Variants in ERVFRD-1 observed in about 807,000 individuals in gnomAD.
The protein encoded by ERVFRD-1 is syncytin-2.
Under a neutral mutation model 43.8 loss-of-function variants are expected in ERVFRD-1, and 33 were observed. The observed-to-expected ratio is 0.75, with a 90% confidence interval of 0.57 to 1.01. The LOEUF is 1.01. Ranked by LOEUF, ERVFRD-1 falls within the 50% of genes least tolerant of loss-of-function variation. ERVFRD-1 has a pLI of 0.00. For missense variants in ERVFRD-1, 568 were observed against 658.4 expected (o/e 0.86, Z 1.50); for synonymous variants, 239 against 244.4 (o/e 0.98, Z 0.21).
intron 1 of ERVFRD-1, among the ~76,000 whole-genome samples, chr6:11,108,535 CCTT>C (rs1419470924): frequency 2.6e-5 from 4 of 152,148 alleles, no homozygotes; most frequent in Admixed American, 1.3e-4. Context: ...TTGGGCACTG[CCTT>C]CTTGTGTGGC....
rs1291353529 is a variant in ERVFRD-1, at chr6:11,104,235, G to A, written c.1076C>T (p.Ala359Val). The change falls in exon 2 of 2, where the codon GCG becomes GTG. Residue 359 changes from alanine (A) to valine (V), a missense_variant. Physicochemically the swap from Ala to Val is moderately conservative, Grantham distance 64. Transcript: ENST00000472091. Reference protein sequence around the residue: ...RRAIHFIPLLAGLGILAGTGT... With the variant: ...RRAIHFIPLLVGLGILAGTGT... ...CGTACCAGCTAGAATGCCGAGTCCC[G>A]CGAGAAGGGGAATGAAATGGATTGC... 1.3e-5 allele frequency: 20 copies of A among 1,551,660 alleles called. No homozygotes were observed. Among genetic ancestry groups the A allele is most frequent in the South Asian group, 5.9e-5 (5 of 84,056 alleles).
In ERVFRD-1 at chr6:11,103,393, C is replaced by T; in HGVS notation, c.*301G>A. ...ATCACCTGATGGTTGCCTGACATTCCTGGTGAGGGGGCCCTCCCCTGCCCT... is the reference window on the plus strand; with the variant it reads ...ATCACCTGATGGTTGCCTGACATTCTTGGTGAGGGGGCCCTCCCCTGCCCT... On this transcript the variant is annotated 3_prime_UTR_variant, in exon 2 of 2. Transcript: ENST00000472091. The T allele has an allele frequency of 3.1e-6, 1 of 322,760 alleles. No individual in the cohort carries two copies. The highest frequency in any genetic ancestry group is 2.1e-5 in the African/African-American group (1 of 47,954). 20.0% of individuals were successfully genotyped at this position (322,760 alleles called of 1,614,324 possible).
At position 11,105,179 on chromosome 6, in the gene ERVFRD-1, C is replaced by G; in HGVS notation, c.132G>C (p.Trp44Cys). 1 of 1,614,158 alleles carries G rather than the reference C, an allele frequency of 6.2e-7. No individual in the cohort carries two copies. The highest frequency in any genetic ancestry group is 8.5e-7 in the Non-Finnish European group (1 of 1,180,016). ...STGSPYSTNC[W>C]LCTSSSTETP... ...TTTCAGTGGAAGAGCTAGTACATAA[C>G]CAGCAATTGGTGGAGTAAGGGGATC... is the stretch of plus-strand genomic sequence containing the variant. Residue 44 changes from tryptophan (W) to cysteine (C), a missense_variant, in exon 2 of 2, where the codon TGG becomes TGC. Trp to Cys is a radical substitution (Grantham distance 215). Transcript: ENST00000472091.
rs1758058511 is a variant in ERVFRD-1 at position 11,104,778 on chromosome 6, A to G, written c.533T>C (p.Ile178Thr). ...TAGCAAAGTTCCCTGAGGAAAAGTA[A>G]TATTTGGAGGTTTGGGGAATCTTGG... ...HQPRFPKPPN[I>T]TFPQGTLLDK... The change falls in exon 2 of 2, where the codon ATT becomes ACT. Residue 178 changes from isoleucine to threonine, a missense_variant. Transcript: ENST00000472091. 2 of 1,614,180 alleles carry G rather than the reference A, an allele frequency of 1.2e-6. No individual in the cohort carries two copies. Among genetic ancestry groups the G allele is most frequent in the Non-Finnish European group, 1.7e-6 (2 of 1,180,030 alleles).
rs1340279859 is a variant in ERVFRD-1 at position 11,104,439 on chromosome 6, C to T, written c.872G>A (p.Cys291Tyr). ...ATAAAAGGCTCCTTGAGTTTTAAGGCATGTAGAGATATGGAAATGAAATAA... is the reference window on the plus strand; with the variant it reads ...ATAAAAGGCTCCTTGAGTTTTAAGGTATGTAGAGATATGGAAATGAAATAA... The part of the protein sequence containing the change: ...TPLFHFHIST[C>Y]LKTQGAFYIC... The change falls in exon 2 of 2, where the codon TGC becomes TAC. Residue 291 changes from cysteine to tyrosine, a missense_variant. Cys to Tyr is a radical substitution (Grantham distance 194). Transcript: ENST00000472091. 2.6e-6 allele frequency: 4 copies of T among 1,551,664 alleles called. No homozygotes were observed.
chr6:11,106,388 G>A (rs1053573747), intron 1 of ERVFRD-1, among the ~76,000 whole-genome samples: 2 of 152,228 alleles, frequency 1.3e-5, no homozygotes, highest in African/African-American at 2.4e-5. Flanking sequence ...TTCCCCGTCT[G>A]GGGATTATTT....
chr6:11,104,328 A>G lies in ERVFRD-1; in HGVS notation c.983T>C (p.Ile328Thr). Reference protein sequence around the residue: ...TIGYVTPDIFIAPGNLSLPIP... With the variant: ...TIGYVTPDIFTAPGNLSLPIP... ...TGGAAGAGAGAGATTGCCAGGGGCT[A>G]TGAAGATGTCTGGGGTTACATAGCC... The change falls in exon 2 of 2, where the codon ATA becomes ACA. Residue 328 changes from isoleucine to threonine, a missense_variant. Coordinates refer to ENST00000472091, the MANE Select transcript of ERVFRD-1 (RefSeq NM_207582.3). 2 of 1,551,724 alleles carry G rather than the reference A, an allele frequency of 1.3e-6. No homozygotes were observed. The highest frequency in any genetic ancestry group is 1.2e-5 in the South Asian group (1 of 84,062).
At position 11,103,770 on chromosome 6, in the gene ERVFRD-1, C is replaced by T. The variant is rs1031641163; in HGVS notation, c.1541G>A (p.Arg514His). Residue 514 changes from arginine (R) to histidine (H), a missense_variant, in exon 2 of 2, where the codon CGC (arginine) becomes CAC (histidine). By Grantham distance (29) the Arg-to-His change is conservative. Transcript: ENST00000472091. Reference sequence around the variant, plus strand: ...CGTCTGGAGCTTTATGGCCTGAAGGCGAGAGGAGACAAATTGGGTTATTAG... The same window carrying T: ...CGTCTGGAGCTTTATGGCCTGAAGGTGAGAGGAGACAAATTGGGTTATTAG... ...LNLITQFVSS[R>H]LQAIKLQTNL... 37 of 1,551,402 alleles carry T rather than the reference C, an allele frequency of 2.4e-5. No individual in the cohort carries two copies. The highest frequency in any genetic ancestry group is 3.1e-5 in the Non-Finnish European group (36 of 1,146,968).
rs910692970 is a variant in ERVFRD-1 at position 11,103,966 on chromosome 6, G to A, written c.1345C>T (p.Gln449Ter). ...TTTAGGAGTTGTCTGATGTTGTCTTGTACTTTTCCTGATTGATTTACCCAA... is the reference window on the plus strand; with the variant it reads ...TTTAGGAGTTGTCTGATGTTGTCTTATACTTTTCCTGATTGATTTACCCAA... ...CFWVNQSGKVQDNIRQLLNQA... is the reference protein window; with the variant it reads ...CFWVNQSGKV The change falls in exon 2 of 2, where the codon CAA becomes TAA. Residue 449 changes from glutamine (Q) to a stop codon, truncating the protein, a stop_gained. Transcript: ENST00000472091. LOFTEE classifies it high-confidence loss of function. 5.8e-6 allele frequency: 9 copies of A among 1,551,538 alleles called. No homozygotes were observed. Among genetic ancestry groups the A allele is most frequent in the Admixed American group, 2.0e-5 (1 of 50,980 alleles).
chr6:11,103,874 C>T lies in ERVFRD-1; in HGVS notation c.1437G>A (p.Trp479Ter). 1 of 1,551,658 alleles carries T rather than the reference C, an allele frequency of 6.4e-7. No homozygotes were observed. The highest frequency in any genetic ancestry group is 1.7e-4 in the Middle Eastern group (1 of 5,992). Residue 479 changes from tryptophan (W) to a stop codon, truncating the protein, a stop_gained, in exon 2 of 2, where the codon TGG (tryptophan) becomes TGA (stop). Coordinates refer to ENST00000472091, the MANE Select transcript of ERVFRD-1 (RefSeq NM_207582.3). LOFTEE classifies it high-confidence loss of function. ...CTGTAAGGGGAAGAACCCAAGAGAA[C>T]CATTTCCAAGTTCCTTCCCAATTTA... Reference protein sequence around the residue: ...GWLNWEGTWKWFSWVLPLTGP... With the variant: ...GWLNWEGTWK
intron 1 of ERVFRD-1, among the ~76,000 whole-genome samples, chr6:11,106,947 A>G (rs981484146): frequency 1.3e-5 from 2 of 152,206 alleles, no homozygotes; most frequent in African/African-American, 4.8e-5. Context: ...TGGAATTTGT[A>G]TATACTCCTT....
At chr6:11,111,250 A>G (rs978481627) in intron 1 of ERVFRD-1, among the ~76,000 whole-genome samples, 2 of 152,218 alleles carry the variant, frequency 1.3e-5, no homozygotes, top group African/African-American at 4.8e-5. Context: ...GAACAGAGAA[A>G]AGACAGACTT....
At chr6:11,111,477 G>A (rs569893457) in intron 1 of ERVFRD-1, among the ~76,000 whole-genome samples, 200 bp downstream of exon 1, 3 of 152,308 alleles carry the variant, frequency 2.0e-5, no homozygotes, top group African/African-American at 7.2e-5. Flanking sequence ...ACTTAGTGCA[G>A]ACTCCAAGGT....
chr6:11,105,271 G>C lies in ERVFRD-1; in HGVS notation c.40C>G (p.Leu14Val), dbSNP rs1758068116. Residue 14 changes from leucine to valine, a missense_variant, in exon 2 of 2, where the codon CTA becomes GTA. Transcript: ENST00000472091. ...LLLVLILTPS[L>V]AAYRHPDFPL... Reference sequence around the variant, plus strand: ...AAATCAGGATGGCGGTAGGCTGCTAGTGAAGGCGTGAGAATGAGAACCAGC... The same window carrying C: ...AAATCAGGATGGCGGTAGGCTGCTACTGAAGGCGTGAGAATGAGAACCAGC... The C allele has an allele frequency of 1.2e-6, 2 of 1,614,094 alleles. No individual in the cohort carries two copies. The highest frequency in any genetic ancestry group is 1.7e-6 in the Non-Finnish European group (2 of 1,180,002).
In ERVFRD-1 at chr6:11,104,181, G is replaced by C. The variant is rs1219467691; in HGVS notation, c.1130C>G (p.Ala377Gly). ...TGTGIAGITK[A>G]SLTYSQLSKE... Reference sequence around the variant, plus strand: ...TGAGAGCTGGCTATAGGTGAGGGAAGCTTTTGTGATTCCAGCAATTCCGGT... The same window carrying C: ...TGAGAGCTGGCTATAGGTGAGGGAACCTTTTGTGATTCCAGCAATTCCGGT... Residue 377 changes from alanine to glycine, a missense_variant, in exon 2 of 2, where the codon GCT becomes GGT. Physicochemically the swap from Ala to Gly is moderately conservative, Grantham distance 60. Coordinates refer to ENST00000472091, the MANE Select transcript of ERVFRD-1 (RefSeq NM_207582.3). The C allele has an allele frequency of 6.4e-7, 1 of 1,551,728 alleles. No homozygotes were observed. The highest frequency in any genetic ancestry group is 1.4e-5 in the African/African-American group (1 of 73,172).
chr6:11,106,042 T>C (rs1758078392), intron 1 of ERVFRD-1, among the ~76,000 whole-genome samples: 1 of 152,178 alleles, frequency 6.6e-6, no homozygotes, highest in African/African-American at 2.4e-5. Context: ...TATTTCCACT[T>C]TTCCTGAAGA....
chr6:11,103,184 T>A lies in ERVFRD-1; in HGVS notation c.*510A>T, dbSNP rs1758021197. The A allele has an allele frequency of 6.5e-6, 1 of 154,740 alleles. No individual in the cohort carries two copies. Among genetic ancestry groups the A allele is most frequent in the South Asian group, 2.0e-4 (1 of 4,960 alleles). 9.6% of individuals were successfully genotyped at this position (154,740 alleles called of 1,614,324 possible). ...TCCTAAAGGAAGGTCATATATGAGT[T>A]AAATGCCACTATTTTGCCTCTTAGG... On this transcript the variant is annotated 3_prime_UTR_variant, in exon 2 of 2. Coordinates refer to ENST00000472091, the MANE Select transcript of ERVFRD-1 (RefSeq NM_207582.3).
Position 11,103,692 on chromosome 6 carries a change from CCTT to C in ERVFRD-1, c.1616_*1del. ...CACTAGCGAGCAGTCTAGGGGTCCT[CCTT>C]AGAAGGGTGACTCTTGAATATTGCG... On this transcript the variant is annotated stop_retained_variant and 3_prime_UTR_variant, in exon 2 of 2. Transcript: ENST00000472091. The C allele has an allele frequency of 6.5e-7, 1 of 1,548,630 alleles. No individual in the cohort carries two copies. Among genetic ancestry groups the C allele is most frequent in the Non-Finnish European group, 8.7e-7 (1 of 1,145,382 alleles).
rs138651238 is a variant in ERVFRD-1, at chr6:11,103,746, G to A, written c.1565C>T (p.Thr522Met). The A allele has an allele frequency of 1.2e-3, 1,904 of 1,551,668 alleles. 51 individuals are homozygous for A. In the East Asian group the frequency reaches 0.043, roughly 35 times the overall value. ...AGGATGGCGTCCTGCACTGAGATTCGTCTGGAGCTTTATGGCCTGAAGGCG... is the reference window on the plus strand; with the variant it reads ...AGGATGGCGTCCTGCACTGAGATTCATCTGGAGCTTTATGGCCTGAAGGCG... ...SSRLQAIKLQ[T>M]NLSAGRHPRN... The change falls in exon 2 of 2, where the codon ACG becomes ATG. Residue 522 changes from threonine to methionine, a missense_variant. Transcript: ENST00000472091.
Sources: gnomAD v4.1 joint callset for allele counts (sites outside exome capture counted in the v4.1 genomes callset) on GRCh38, gnomAD v4.1.1 for gene constraint, MANE v1.5 for transcripts, NCBI Gene and HGNC (gene_info 2026-07-23, HGNC 2026-07-21) for gene names.